CDH20: variants seen among roughly 807,000 people sequenced by gnomAD.
The protein encoded by CDH20 is cadherin 20.
Under a neutral mutation model 74.2 loss-of-function variants are expected in CDH20, and 29 were observed. That is an observed-to-expected ratio of 0.39 (90% CI 0.29 to 0.53). CDH20 has a LOEUF of 0.53. CDH20 is among the 20% of genes least tolerant of loss of function. The pLI is 0.69. For synonymous variants in CDH20, 469 were observed against 405.4 expected (o/e 1.16, Z -1.88); for missense variants, 988 against 1,048.3 (o/e 0.94, Z 0.79).
chr18:61,466,567 C>A (rs1206966438), intron 1 of CDH20, among the ~76,000 whole-genome samples: 1 of 152,104 alleles, frequency 6.6e-6, no homozygotes, highest in Non-Finnish European at 1.5e-5. Context: ...ATCTAGGGGA[C>A]AGAGAAGAGG....
intron 1 of CDH20, among the ~76,000 whole-genome samples, chr18:61,419,298 C>G (rs1001418363): frequency 6.6e-6 from 1 of 152,162 alleles, no homozygotes; most frequent in Non-Finnish European, 1.5e-5. Flanking sequence ...AACTCTTGGC[C>G]TCAAGCAATC....
chr18:61,333,897 C>G (rs1909653549), intron 1 of CDH20, 70 bp downstream of exon 1: 1 of 152,284 alleles, frequency 6.6e-6, no homozygotes, highest in South Asian at 2.1e-4. Flanking sequence ...AGCCAGCCCT[C>G]TGGGGCGAAA....
At chr18:61,462,361 G>T (rs775297259) in intron 1 of CDH20, among the ~76,000 whole-genome samples, 5 of 152,104 alleles carry the variant, frequency 3.3e-5, no homozygotes. Context: ...TAGGTTCTCT[G>T]CCTTCAGACC....
rs1911608452 is a variant in CDH20, at chr18:61,507,382, A to C, written c.839A>C (p.Gln280Pro). The change falls in exon 6 of 12, where the codon CAG (glutamine) becomes CCG (proline). Residue 280 changes from glutamine to proline, a missense_variant. Around this residue, in one of 2 missense-constraint regions of CDH20, gnomAD observed 613 missense variants for 755.2 expected, o/e 0.81. Coordinates refer to ENST00000262717, the MANE Select transcript of CDH20 (RefSeq NM_031891.4). The part of the protein sequence containing the change: ...NPPRFPQKHY[Q>P]MSVLESAPIS... ...TGGCTTTTCTTCGTAGAACATTACCAGATGAGTGTGTTGGAATCAGCTCCA... is the reference window on the plus strand; with the variant it reads ...TGGCTTTTCTTCGTAGAACATTACCCGATGAGTGTGTTGGAATCAGCTCCA... 6.2e-7 allele frequency: 1 copy of C among 1,613,258 alleles called. No individual in the cohort carries two copies. The highest frequency in any genetic ancestry group is 8.5e-7 in the Non-Finnish European group (1 of 1,179,788).
Position 61,502,942 on chromosome 18 carries a change from C to A in CDH20, c.662-11C>A, listed in dbSNP as rs1375257466. The A allele has an allele frequency of 1.9e-6, 3 of 1,584,026 alleles. No individual in the cohort carries two copies. The highest frequency in any genetic ancestry group is 2.6e-6 in the Non-Finnish European group (3 of 1,167,816). On this transcript the variant is annotated splice_polypyrimidine_tract_variant and intron_variant, in intron 4 of 11. Coordinates refer to ENST00000262717, the MANE Select transcript of CDH20 (RefSeq NM_031891.4). ...TTTATTTTTATAAACAAAGTCATTT[C>A]TATCCTCCAGGTGTAATTAGGACAG... is the stretch of plus-strand genomic sequence containing the variant.
chr18:61,439,542 G>T (rs910521764), intron 1 of CDH20, among the ~76,000 whole-genome samples: 5 of 152,034 alleles, frequency 3.3e-5, no homozygotes. Flanking sequence ...TTGTGTACAA[G>T]GTAAAGTCCT....
intron 1 of CDH20, among the ~76,000 whole-genome samples, chr18:61,383,951 A>G (rs890177121): frequency 1.3e-5 from 2 of 152,106 alleles, no homozygotes; most frequent in African/African-American, 4.8e-5. Flanking sequence ...CATATATGAG[A>G]TTGCCAGATC....
intron 6 of CDH20, among the ~76,000 whole-genome samples, chr18:61,521,624 A>T (rs1912210559): frequency 6.6e-6 from 1 of 151,464 alleles, no homozygotes; most frequent in Non-Finnish European, 1.5e-5. Context: ...CAACAAAAAA[A>T]GAAAATTTCA....
intron 11 of CDH20, among the ~76,000 whole-genome samples, chr18:61,552,248 A>G (rs1599165286): frequency 6.6e-6 from 1 of 152,088 alleles, no homozygotes; most frequent in East Asian, 1.9e-4. Flanking sequence ...CCGTGCCTAT[A>G]GTACACGAAG....
At chr18:61,354,587 C>T (rs1007110958) in intron 1 of CDH20, among the ~76,000 whole-genome samples, 3 of 151,722 alleles carry the variant, frequency 2.0e-5, no homozygotes, top group Admixed American at 6.6e-5. Flanking sequence ...CCAGACTGGG[C>T]GACAGAGTGA....
At chr18:61,551,343 A>AG in intron 11 of CDH20, among the ~76,000 whole-genome samples, 1 of 152,330 alleles carries the variant, frequency 6.6e-6, no homozygotes, top group East Asian at 1.9e-4. Flanking sequence ...GAGTTTTCTG[A>AG]GGGAAAAAGC....
chr18:61,479,310 C>G (rs1158236412), intron 1 of CDH20, among the ~76,000 whole-genome samples: 1 of 152,016 alleles, frequency 6.6e-6, no homozygotes, highest in Non-Finnish European at 1.5e-5. Flanking sequence ...AAGGTAAACC[C>G]CAAAGTTATT....
At chr18:61,443,141 T>G (rs1431694238) in intron 1 of CDH20, among the ~76,000 whole-genome samples, 3 of 152,022 alleles carry the variant, frequency 2.0e-5, no homozygotes, top group Non-Finnish European at 4.4e-5. Flanking sequence ...CCTACTAGGT[T>G]TTTCCTCCCA....
At position 61,416,778 on chromosome 18, in the gene CDH20, C is replaced by T. The variant is rs531478954; in HGVS notation, c.-152-73624C>T. 1.1e-4 allele frequency among the ~76,000 whole-genome samples: 16 copies of T among 152,270 alleles called. No homozygotes were observed. The South Asian group carries it at 3.3e-3, about 32-fold the overall frequency. On this transcript the variant is annotated intron_variant, in intron 1 of 11. Coordinates refer to ENST00000262717, the MANE Select transcript of CDH20 (RefSeq NM_031891.4). The stretch of plus-strand genomic sequence containing the variant: ...CTTTTAGCTGGTACACTGCCACTAC[C>T]AATAATGGGATTCGTTAGGAAAGAA...
At chr18:61,468,303 T>C (rs1910037640) in intron 1 of CDH20, among the ~76,000 whole-genome samples, 5 of 152,146 alleles carry the variant, frequency 3.3e-5, no homozygotes, top group Admixed American at 3.3e-4. Context: ...CTCAAATCCT[T>C]ATTTCTCCCT....
intron 1 of CDH20, among the ~76,000 whole-genome samples, chr18:61,413,456 A>C: frequency 6.6e-6 from 1 of 152,208 alleles, no homozygotes; most frequent in Non-Finnish European, 1.5e-5. Flanking sequence ...AGAAAATATA[A>C]TGCACTGCAA....
chr18:61,510,837 A>G (rs1218575262), intron 6 of CDH20, among the ~76,000 whole-genome samples: 1 of 152,212 alleles, frequency 6.6e-6, no homozygotes, highest in Non-Finnish European at 1.5e-5. Context: ...TAACAATACT[A>G]TTTTGGTATA....
chr18:61,448,139 G>C (rs1002410214), intron 1 of CDH20, among the ~76,000 whole-genome samples: 9 of 152,168 alleles, frequency 5.9e-5, no homozygotes, highest in African/African-American at 2.2e-4. Context: ...GTCTAAGACA[G>C]AGAACACAAT....
chr18:61,426,038 T>C (rs9945686), intron 1 of CDH20, among the ~76,000 whole-genome samples: 2,114 of 152,288 alleles, frequency 0.014, 44 homozygotes, highest in African/African-American at 0.049. Context: ...CAACTGATTT[T>C]CATTTGTTGA....
Sources: gnomAD v4.1 joint callset for allele counts (sites outside exome capture counted in the v4.1 genomes callset) on GRCh38, gnomAD v4.1.1 for gene constraint, gnomAD v4.1.1 regional missense constraint, MANE v1.5 for transcripts, NCBI Gene and HGNC (gene_info 2026-07-23, HGNC 2026-07-21) for gene names.